The following ZNF484 variants were observed in gnomAD, a reference collection of about 807,000 sequenced individuals.
ZNF484 encodes KRAB box containing C2H2 type zinc finger bA526D8.4.
Under a neutral mutation model 12.9 loss-of-function variants are expected in ZNF484, and 11 were observed. The observed-to-expected ratio is 0.85, with a 90% confidence interval of 0.54 to 1.41. ZNF484 has a LOEUF of 1.41. ZNF484 is among the 40% of genes most tolerant of loss of function. The probability of loss-of-function intolerance (pLI) is 0.00; values close to 1 mark genes in which losing one functional copy is unlikely to be tolerated. For missense variants in ZNF484, 807 were observed against 1,007.7 expected (o/e 0.80, Z 2.70); for synonymous variants, 289 against 334.1 (o/e 0.86, Z 1.47).
Position 92,845,955 on chromosome 9 carries a change from A to AT in ZNF484, c.*272dup. On this transcript the variant is annotated 3_prime_UTR_variant, in exon 5 of 5. Transcript: ENST00000375495. This position sits in a 1 kb window ranked among gnomAD's most constrained non-coding sequence, Gnocchi z 4.0. ...AAATTATCTCATCATACTACTCATT[A>AT]TGAATTTTTGCGGGTCAATATTGAA... 1 of 422,410 alleles carries AT rather than the reference A, an allele frequency of 2.4e-6. No individual in the cohort carries two copies. The highest frequency in any genetic ancestry group is 4.2e-6 in the Non-Finnish European group (1 of 237,456). 26.2% of individuals were successfully genotyped at this position (422,410 alleles called of 1,614,324 possible). A position where few individuals can be genotyped will look rare whatever the true frequency, so the allele number is the denominator to read the frequency against.
intron 2 of ZNF484, among the ~76,000 whole-genome samples, chr9:92,858,830 T>C (rs564377843): frequency 1.3e-5 from 2 of 152,054 alleles, no homozygotes; most frequent in South Asian, 2.1e-4. Context: ...AATAGGTAGT[T>C]CAAATAAAAA....
intron 2 of ZNF484, among the ~76,000 whole-genome samples, chr9:92,873,737 C>A (rs1857602167): frequency 6.6e-6 from 1 of 152,032 alleles, no homozygotes; most frequent in Non-Finnish European, 1.5e-5. Context: ...AAACTATACA[C>A]AATCTCTGGC....
chr9:92,873,841 CAGAAAG>C (rs1263248901), intron 2 of ZNF484, among the ~76,000 whole-genome samples: 1 of 150,556 alleles, frequency 6.6e-6, no homozygotes, highest in East Asian at 1.9e-4. Flanking sequence ...AAAGAAAAAA[CAGAAAG>C]AGAGACAGAA....
chr9:92,857,237 G>A (rs895918053), intron 2 of ZNF484, among the ~76,000 whole-genome samples: 6 of 152,186 alleles, frequency 3.9e-5, no homozygotes, highest in Admixed American at 1.3e-4. Flanking sequence ...TAAGACTGGA[G>A]AGGAGAGAAT....
chr9:92,847,752 T>C lies in ZNF484; in HGVS notation c.1035A>G (p.Arg345=). 1.4e-5 allele frequency: 23 copies of C among 1,613,910 alleles called. No individual in the cohort carries two copies. The highest frequency in any genetic ancestry group is 2.2e-5 in the East Asian group (1 of 44,888). ...RAFIQKSDLF[R]CQRIHSGEKP... The stretch of plus-strand genomic sequence containing the variant: ...TTTCTCCAGAATGAATTCTCTGGCA[T>C]CTGAACAGATCTGACTTCTGGATAA... The change falls in exon 5 of 5, where the codon AGA becomes AGG. Residue 345 remains arginine (R), a synonymous_variant. Transcript: ENST00000375495.
intron 2 of ZNF484, among the ~76,000 whole-genome samples, chr9:92,867,555 C>G: frequency 6.6e-6 from 1 of 152,154 alleles, no homozygotes; most frequent in Non-Finnish European, 1.5e-5. Flanking sequence ...ATGCAGCAAA[C>G]CACCATGGCA....
At chr9:92,868,739 G>A (rs1322944323) in intron 2 of ZNF484, among the ~76,000 whole-genome samples, 8 of 151,952 alleles carry the variant, frequency 5.3e-5, no homozygotes, top group African/African-American at 1.9e-4. Flanking sequence ...CAACTCTCAC[G>A]GAACTCATAA....
intron 2 of ZNF484, among the ~76,000 whole-genome samples, chr9:92,861,461 G>A (rs555711448): frequency 5.9e-5 from 9 of 152,254 alleles, no homozygotes; most frequent in African/African-American, 2.2e-4. Context: ...GAAGGTATGA[G>A]GAGGAACAAA....
At chr9:92,862,098 G>A in intron 2 of ZNF484, 1 of 924,944 alleles carries the variant, frequency 1.1e-6, no homozygotes, top group Non-Finnish European at 1.3e-6. Flanking sequence ...AAATAAAATA[G>A]GCTCTGTTTA....
At chr9:92,851,398 TCA>T (rs1856068377) in intron 4 of ZNF484, among the ~76,000 whole-genome samples, 2 of 152,248 alleles carry the variant, frequency 1.3e-5, no homozygotes, top group Middle Eastern at 3.2e-3. Context: ...AATTCAAATT[TCA>T]GTGTCCATAA....
At chr9:92,862,663 C>G (rs1361691138) in intron 2 of ZNF484, among the ~76,000 whole-genome samples, 1 of 152,110 alleles carries the variant, frequency 6.6e-6, no homozygotes, top group African/African-American at 2.4e-5. Flanking sequence ...GGTATGCTGG[C>G]ATGAGATCAT....
At chr9:92,851,045 A>C (rs1587732327) in intron 4 of ZNF484, among the ~76,000 whole-genome samples, 1 of 152,242 alleles carries the variant, frequency 6.6e-6, no homozygotes, top group African/African-American at 2.4e-5. Flanking sequence ...TTAAGCTTGT[A>C]GCCAAGCACA....
rs752602689 is a variant in ZNF484, at chr9:92,844,846, G to A, written c.*1382C>T. ...TTCTAGAGGAAAACTTAAAGGACAG[G>A]AAGGAATAAAAAAGTAATTAAAATG... On this transcript the variant is annotated 3_prime_UTR_variant, in exon 5 of 5. Transcript: ENST00000375495. Among the ~76,000 whole-genome samples the A allele has an allele frequency of 5.9e-5, 9 of 152,172 alleles. No individual in the cohort carries two copies. Among genetic ancestry groups the A allele is most frequent in the Non-Finnish European group, 8.8e-5 (6 of 67,992 alleles).
chr9:92,844,431 A>C lies in ZNF484; in HGVS notation c.*1797T>G, dbSNP rs1403167986. Among the ~76,000 whole-genome samples, 1 of 152,082 alleles carries C rather than the reference A, an allele frequency of 6.6e-6. No individual in the cohort carries two copies. Among genetic ancestry groups the C allele is most frequent in the African/African-American group, 2.4e-5 (1 of 41,416 alleles). ...CGTACACGCACACGTGCACACACACACCCCAAAACCACTAAACCACAGATT... is the reference window on the plus strand; with the variant it reads ...CGTACACGCACACGTGCACACACACCCCCCAAAACCACTAAACCACAGATT... On this transcript the variant is annotated 3_prime_UTR_variant, in exon 5 of 5. Transcript: ENST00000375495.
intron 4 of ZNF484, among the ~76,000 whole-genome samples, chr9:92,852,424 G>T (rs1452539875): frequency 6.6e-6 from 1 of 151,910 alleles, no homozygotes; most frequent in Non-Finnish European, 1.5e-5. Context: ...CTCCCAAGTA[G>T]CTGGGACTAC....
At position 92,848,872 on chromosome 9, in the gene ZNF484, G is replaced by A. The variant is rs1230499859; in HGVS notation, c.236-321C>T. Among the ~76,000 whole-genome samples the A allele has an allele frequency of 6.6e-6, 1 of 151,730 alleles. No individual in the cohort carries two copies. Among genetic ancestry groups the A allele is most frequent in the Non-Finnish European group, 1.5e-5 (1 of 67,994 alleles). ...TGCAGTGAGCTGAAATTGCGCCATT[G>A]CACTCTAGTCTGGGTGACAGAGCAA... On this transcript the variant is annotated intron_variant, in intron 4 of 4. Coordinates refer to ENST00000375495, the MANE Select transcript of ZNF484 (RefSeq NM_031486.4). This position sits in a 1 kb window ranked among gnomAD's most constrained non-coding sequence, Gnocchi z 4.1.
chr9:92,866,398 C>T (rs1211896442), intron 2 of ZNF484, among the ~76,000 whole-genome samples: 1 of 152,214 alleles, frequency 6.6e-6, no homozygotes, highest in Non-Finnish European at 1.5e-5. Flanking sequence ...AAAAGCTCAA[C>T]ATCACTGATC....
intron 2 of ZNF484, among the ~76,000 whole-genome samples, chr9:92,859,676 C>A (rs1856665331): frequency 6.6e-6 from 1 of 152,240 alleles, no homozygotes; most frequent in African/African-American, 2.4e-5. Context: ...CCCAGGATCA[C>A]CTGTACTTCT....
rs551543677 is a variant in ZNF484 at position 92,860,118 on chromosome 9, A to C, written c.16-3800T>G. On this transcript the variant is annotated intron_variant, in intron 2 of 4. Coordinates refer to ENST00000375495, the MANE Select transcript of ZNF484 (RefSeq NM_031486.4). ...TGCATGGCCAAAGGTACCCCACTAT[A>C]AACCACATGTTGGCATAGAATATTC... is the stretch of plus-strand genomic sequence containing the variant. Among the ~76,000 whole-genome samples, 22 of 152,284 alleles carry C rather than the reference A, an allele frequency of 1.4e-4. 1 individual carries two copies. Among genetic ancestry groups the C allele is most frequent in the African/African-American group, 5.3e-4 (22 of 41,546 alleles).
Sources: gnomAD v4.1 joint callset for allele counts (sites outside exome capture counted in the v4.1 genomes callset) on GRCh38, gnomAD v4.1.1 for gene constraint, Gnocchi (gnomAD v3.1) non-coding constraint, MANE v1.5 for transcripts, NCBI Gene and HGNC (gene_info 2026-07-23, HGNC 2026-07-21) for gene names.